PTPRN2: variants seen among roughly 807,000 people sequenced by gnomAD.
PTPRN2 encodes the protein protein tyrosine phosphatase receptor type N2.
In PTPRN2, 74 loss-of-function variants were observed where a neutral mutation model predicts 118.8. The ratio of observed to expected loss-of-function variants is 0.62; its 90% confidence interval spans 0.52 to 0.76. PTPRN2 has a LOEUF of 0.76. Among genes scored for constraint, PTPRN2 ranks in the 30% least tolerant of loss-of-function variants. The probability of loss-of-function intolerance (pLI) is 0.00; values close to 1 mark genes in which losing one functional copy is unlikely to be tolerated. For missense variants in PTPRN2, 1,481 were observed against 1,394.4 expected (o/e 1.06, Z -0.99); for synonymous variants, 641 against 608.0 (o/e 1.05, Z -0.80).
At chr7:158,171,155 TATATATACACACATATATACAC>T (rs1823562868) in intron 5 of PTPRN2, among the ~76,000 whole-genome samples, 1 of 20,090 alleles carries the variant, frequency 5.0e-5, no homozygotes, top group Non-Finnish European at 1.5e-4. Context: ...TATATACACA[TATATATACACACATATATACAC>T]ATATATACAC....
At chr7:157,811,410 C>A (rs545344994) in intron 12 of PTPRN2, among the ~76,000 whole-genome samples, 1 of 150,176 alleles carries the variant, frequency 6.7e-6, no homozygotes. Context: ...CAAATCTCCA[C>A]GTGAAGTAGA....
At chr7:157,826,749 C>T (rs1807200331) in intron 12 of PTPRN2, among the ~76,000 whole-genome samples, 1 of 152,146 alleles carries the variant, frequency 6.6e-6, no homozygotes, top group Non-Finnish European at 1.5e-5. Flanking sequence ...AGTGGGAGTC[C>T]TGATTGCAGA....
chr7:158,332,266 C>G (rs1341811683), intron 2 of PTPRN2, among the ~76,000 whole-genome samples: 13 of 146,460 alleles, frequency 8.9e-5, no homozygotes, highest in Non-Finnish European at 1.8e-4. Context: ...CTGACACCCA[C>G]ACTCTCACGA....
intron 2 of PTPRN2, among the ~76,000 whole-genome samples, chr7:158,346,663 G>C (rs1452933291): frequency 6.6e-6 from 1 of 152,210 alleles, no homozygotes; most frequent in African/African-American, 2.4e-5. Context: ...TGATATGGTA[G>C]TTTGTTGTTT....
rs1266109333 is a variant in PTPRN2, at chr7:157,686,757, GAGA to G, written c.1789-3823_1789-3821del. ...GCTCAATGACTGAAAGTTTGGAACAGAGAAGAAGTGAGGAGGAGGAGGAGGGAG... is the reference window on the plus strand; with the variant it reads ...GCTCAATGACTGAAAGTTTGGAACAGAGAAGTGAGGAGGAGGAGGAGGGAG... On this transcript the variant is annotated intron_variant, in intron 12 of 22. Transcript: ENST00000389418. Among the ~76,000 whole-genome samples, 16 of 152,334 alleles carry G rather than the reference GAGA, an allele frequency of 1.1e-4. No homozygotes were observed. The East Asian group carries it at 2.7e-3, about 26-fold the overall frequency.
At chr7:158,027,124 C>T (rs573002302) in intron 11 of PTPRN2, among the ~76,000 whole-genome samples, 7 of 152,320 alleles carry the variant, frequency 4.6e-5, no homozygotes, top group African/African-American at 1.4e-4. Flanking sequence ...CAGCCCCAGG[C>T]AGAGCCGGCC....
chr7:158,354,906 GA>G (rs1296750553), intron 2 of PTPRN2, among the ~76,000 whole-genome samples: 1 of 152,066 alleles, frequency 6.6e-6, no homozygotes, highest in Non-Finnish European at 1.5e-5. Context: ...AGGGCAAAGA[GA>G]AGACCCCAAA....
chr7:157,855,575 C>T (rs1032505399), intron 12 of PTPRN2, among the ~76,000 whole-genome samples: 4 of 152,244 alleles, frequency 2.6e-5, no homozygotes, highest in Admixed American at 1.3e-4. Flanking sequence ...AATCTGGATG[C>T]GGCCTGCTGT....
chr7:158,300,180 T>C (rs1482124635), intron 3 of PTPRN2, among the ~76,000 whole-genome samples: 3 of 152,142 alleles, frequency 2.0e-5, no homozygotes, highest in Non-Finnish European at 4.4e-5. Context: ...TTAACTGAAG[T>C]CCATTTCATA....
In PTPRN2 at chr7:157,944,925, A is replaced by G. The variant is rs1461236735; in HGVS notation, c.1724-46188T>C. The stretch of plus-strand genomic sequence containing the variant: ...ATCCTGCCTAGTATTTATACAGTAA[A>G]CAGAGACTCTGAAATAAACACCGTG... On this transcript the variant is annotated intron_variant, in intron 11 of 22. Transcript: ENST00000389418. The surrounding 1 kb of genome is among the most constrained non-coding windows in gnomAD (Gnocchi z 4.3). 6.6e-6 allele frequency among the ~76,000 whole-genome samples: 1 copy of G among 152,178 alleles called. No homozygotes were observed. The highest frequency in any genetic ancestry group is 1.5e-5 in the Non-Finnish European group (1 of 68,028).
chr7:158,491,326 G>A (rs1055136451), intron 1 of PTPRN2, among the ~76,000 whole-genome samples: 6 of 152,168 alleles, frequency 3.9e-5, no homozygotes, highest in African/African-American at 1.4e-4. Flanking sequence ...GCCCTGGCCT[G>A]CCCAGCCAGT....
intron 12 of PTPRN2, among the ~76,000 whole-genome samples, chr7:157,686,011 C>G (rs986919466): frequency 1.3e-5 from 2 of 152,198 alleles, no homozygotes; most frequent in African/African-American, 2.4e-5. Context: ...GGAGGGCGAC[C>G]GCGCGGGGCC....
intron 9 of PTPRN2, among the ~76,000 whole-genome samples, chr7:158,125,276 C>T (rs947627508): frequency 6.6e-6 from 1 of 150,628 alleles, no homozygotes; most frequent in Non-Finnish European, 1.5e-5. Context: ...GCCTCAAGTC[C>T]CTCCCACGGC....
intron 2 of PTPRN2, among the ~76,000 whole-genome samples, chr7:158,341,229 C>A (rs1450493707): frequency 1.3e-5 from 2 of 150,806 alleles, no homozygotes; most frequent in Admixed American, 6.6e-5. Flanking sequence ...CACACCCACA[C>A]TCTCACCATA....
chr7:158,015,937 T>TC lies in PTPRN2; in HGVS notation c.1723+65360dup, dbSNP rs1175544423. ...CGTCCCTGGGGAAGTTTCATGTCTT[T>TC]CCTCACACGTGGCAGGGACGGCTGT... On this transcript the variant is annotated intron_variant, in intron 11 of 22. Coordinates refer to ENST00000389418, the MANE Select transcript of PTPRN2 (RefSeq NM_002847.5). This position sits in a 1 kb window ranked among gnomAD's most constrained non-coding sequence, Gnocchi z 4.2. Among the ~76,000 whole-genome samples the TC allele has an allele frequency of 6.6e-6, 1 of 152,074 alleles. No individual in the cohort carries two copies. Among genetic ancestry groups the TC allele is most frequent in the African/African-American group, 2.4e-5 (1 of 41,412 alleles).
intron 2 of PTPRN2, among the ~76,000 whole-genome samples, chr7:158,402,314 C>A (rs1431364603): frequency 6.6e-6 from 1 of 152,156 alleles, no homozygotes; most frequent in Non-Finnish European, 1.5e-5. Context: ...AATTGGAAAT[C>A]TGGGGGTACA....
chr7:158,276,375 C>T (rs1435711149), intron 3 of PTPRN2, among the ~76,000 whole-genome samples: 2 of 22,626 alleles, frequency 8.8e-5, no homozygotes, highest in Admixed American at 4.2e-4. Flanking sequence ...ACCCCCACAC[C>T]CCGGCCCCAA....
chr7:157,899,124 G>T (rs1261568278), intron 11 of PTPRN2, among the ~76,000 whole-genome samples: 1 of 152,208 alleles, frequency 6.6e-6, no homozygotes, highest in Admixed American at 6.5e-5. Flanking sequence ...TCATTAACCA[G>T]CATTAGGTGT....
intron 1 of PTPRN2, among the ~76,000 whole-genome samples, chr7:158,519,349 T>A (rs1044018048): frequency 6.6e-6 from 1 of 152,058 alleles, no homozygotes; most frequent in Non-Finnish European, 1.5e-5. Flanking sequence ...GCCATGACAG[T>A]TAAATTACTT....
Sources: gnomAD v4.1 joint callset for allele counts (sites outside exome capture counted in the v4.1 genomes callset) on GRCh38, gnomAD v4.1.1 for gene constraint, Gnocchi (gnomAD v3.1) non-coding constraint, MANE v1.5 for transcripts, NCBI Gene and HGNC (gene_info 2026-07-23, HGNC 2026-07-21) for gene names.